The following QTGAL variants were observed in gnomAD, a reference collection of about 807,000 sequenced individuals.
QTGAL encodes the protein BGnT-like protein 1.
the QTGAL span, among the ~76,000 whole-genome samples, chr17:83,046,151 A>G: frequency 6.7e-6 from 1 of 149,906 alleles, no homozygotes; most frequent in South Asian, 2.1e-4. Flanking sequence ...TTATTTTGAG[A>G]TGGAGTCTCA....
the QTGAL span, chr17:83,048,727 A>G: frequency 6.8e-6 from 11 of 1,614,036 alleles, no homozygotes; most frequent in Admixed American, 1.7e-5. Context: ...CTGTTGCAAA[A>G]CAGACCTCAA....
the QTGAL span, among the ~76,000 whole-genome samples, chr17:82,983,223 T>C: frequency 1.3e-5 from 2 of 152,158 alleles, no homozygotes. Flanking sequence ...GAGGTTGCAG[T>C]GAGCCGAGAT....
the QTGAL span, among the ~76,000 whole-genome samples, chr17:83,028,342 G>A: frequency 6.6e-6 from 1 of 151,152 alleles, no homozygotes; most frequent in Non-Finnish European, 1.5e-5. Context: ...GGCTAACACG[G>A]TGAAACCCCG....
the QTGAL span, among the ~76,000 whole-genome samples, chr17:83,038,815 C>T: frequency 1.3e-5 from 2 of 151,384 alleles, no homozygotes; most frequent in Admixed American, 6.6e-5. Flanking sequence ...GCCGAGATCG[C>T]GCCACCGCAC....
At chr17:83,043,247 T>C in the QTGAL span, among the ~76,000 whole-genome samples, 1 of 152,204 alleles carries the variant, frequency 6.6e-6, no homozygotes, top group Non-Finnish European at 1.5e-5. Context: ...CAGCGCATTC[T>C]CCAGGACAGG....
the QTGAL span, among the ~76,000 whole-genome samples, chr17:83,033,678 A>G: frequency 6.6e-6 from 1 of 151,728 alleles, no homozygotes; most frequent in Non-Finnish European, 1.5e-5. Context: ...TCACCGTGTT[A>G]GCCAGGATGG....
the QTGAL span, among the ~76,000 whole-genome samples, chr17:83,033,408 T>C: frequency 6.6e-6 from 1 of 151,718 alleles, no homozygotes; most frequent in African/African-American, 2.4e-5. Flanking sequence ...AGGCTCTTGA[T>C]AGAAAATGCA....
the QTGAL span, among the ~76,000 whole-genome samples, chr17:82,990,906 C>A: frequency 1.3e-5 from 2 of 152,166 alleles, no homozygotes; most frequent in Non-Finnish European, 2.9e-5. Flanking sequence ...TGGGTGTCTG[C>A]AAGCCAGGAA....
the QTGAL span, chr17:82,965,764 T>C: frequency 6.3e-7 from 1 of 1,599,242 alleles, no homozygotes; most frequent in Non-Finnish European, 8.5e-7. Flanking sequence ...CAATTAACGT[T>C]GACAGAGTTA....
chr17:82,972,965 G>A, the QTGAL span, among the ~76,000 whole-genome samples: 3 of 152,174 alleles, frequency 2.0e-5, no homozygotes, highest in Admixed American at 6.5e-5. Context: ...GGCTGTGAGC[G>A]GAAGGGGCTG....
the QTGAL span, among the ~76,000 whole-genome samples, chr17:82,987,895 A>G: frequency 6.6e-6 from 1 of 152,190 alleles, no homozygotes; most frequent in East Asian, 1.9e-4. Flanking sequence ...GATTCTTCCT[A>G]TCCATGAGCA....
chr17:82,946,659 AAAGAT>A, the QTGAL span, among the ~76,000 whole-genome samples: 1 of 152,052 alleles, frequency 6.6e-6, no homozygotes, highest in Non-Finnish European at 1.5e-5. Flanking sequence ...ATATATAATG[AAAGAT>A]AAAAGTTAAT....
chr17:83,041,065 CAAA>C, the QTGAL span, among the ~76,000 whole-genome samples: 8 of 89,798 alleles, frequency 8.9e-5, no homozygotes, highest in East Asian at 6.4e-4. Flanking sequence ...GACTCCATCT[CAAA>C]AAAAAAAAAA....
chr17:83,034,799 G>A, the QTGAL span, among the ~76,000 whole-genome samples: 2 of 152,194 alleles, frequency 1.3e-5, no homozygotes, highest in African/African-American at 2.4e-5. Context: ...AGACATGCGC[G>A]ACTGTGAGAC....
chr17:83,006,726 G>A, the QTGAL span: 23 of 985,332 alleles, frequency 2.3e-5, no homozygotes, highest in Admixed American at 6.1e-5. This position sits in a 1 kb window ranked among gnomAD's most constrained non-coding sequence, Gnocchi z 5.8. Flanking sequence ...ACTGCTCCTC[G>A]GCTCCCAGGA....
At chr17:83,044,892 G>A in the QTGAL span, among the ~76,000 whole-genome samples, 1 of 151,788 alleles carries the variant, frequency 6.6e-6, no homozygotes, top group Admixed American at 6.6e-5. Flanking sequence ...CTTGCAGTGA[G>A]CTGAGATCGT....
the QTGAL span, among the ~76,000 whole-genome samples, chr17:83,018,707 G>A: frequency 6.6e-6 from 1 of 152,196 alleles, no homozygotes; most frequent in Non-Finnish European, 1.5e-5. Context: ...GCAATGGGCC[G>A]GGCTCCTGGA....
At chr17:83,019,093 A>G in the QTGAL span, among the ~76,000 whole-genome samples, 1 of 151,890 alleles carries the variant, frequency 6.6e-6, no homozygotes, top group Non-Finnish European at 1.5e-5. Context: ...GGAAGTTAAG[A>G]CCCCACCCGG....
At chr17:82,951,450 G>T in the QTGAL span, among the ~76,000 whole-genome samples, 3 of 152,218 alleles carry the variant, frequency 2.0e-5, no homozygotes, top group African/African-American at 7.2e-5. Flanking sequence ...CTCTGTATTA[G>T]GCTTTGGCTT....
Sources: gnomAD v4.1 joint callset for allele counts (sites outside exome capture counted in the v4.1 genomes callset) on GRCh38, gnomAD v4.1.1 for gene constraint, Gnocchi (gnomAD v3.1) non-coding constraint, MANE v1.5 for transcripts, NCBI Gene and HGNC (gene_info 2026-07-23, HGNC 2026-07-21) for gene names.